RSPO2: variants seen among roughly 807,000 people sequenced by gnomAD.
RSPO2 encodes R-spondin-2.
RSPO2 carries 14 observed loss-of-function variants against 30.9 expected under a neutral mutation model. The ratio of observed to expected loss-of-function variants is 0.45; its 90% CI spans 0.30 to 0.71. The LOEUF (loss-of-function observed/expected upper bound fraction) is 0.71. RSPO2 is among the 30% of genes least tolerant of loss of function. The probability of loss-of-function intolerance (pLI) is 0.08; values close to 1 mark genes in which losing one functional copy is unlikely to be tolerated. For synonymous variants in RSPO2, 107 were observed against 96.4 expected (o/e 1.11, Z -0.64); for missense variants, 264 against 301.9 (o/e 0.87, Z 0.93).
intron 2 of RSPO2, among the ~76,000 whole-genome samples, chr8:108,073,282 G>A (rs936196375): frequency 6.6e-5 from 10 of 152,226 alleles, no homozygotes; most frequent in African/African-American, 2.2e-4. Context: ...AGCAAAGGAA[G>A]CACAAATCCC....
At chr8:107,998,124 C>T (rs1185309853) in intron 2 of RSPO2, among the ~76,000 whole-genome samples, 1 of 151,986 alleles carries the variant, frequency 6.6e-6, no homozygotes, top group East Asian at 1.9e-4. Flanking sequence ...ATATTAACTT[C>T]ATCAATTAAT....
intron 2 of RSPO2, among the ~76,000 whole-genome samples, chr8:108,030,714 G>C (rs528384012): frequency 1.4e-4 from 21 of 152,158 alleles, no homozygotes; most frequent in Non-Finnish European, 2.9e-4. Context: ...TGGGTCCAGG[G>C]GTGGAGGGAG....
intron 2 of RSPO2, among the ~76,000 whole-genome samples, chr8:108,075,305 AC>A (rs1812976317): frequency 6.6e-6 from 1 of 152,170 alleles, no homozygotes; most frequent in East Asian, 1.9e-4. Context: ...ACATGGCAAA[AC>A]CCCATCTCTA....
rs1475696274 is a variant in RSPO2, at chr8:108,082,775, G to C, written c.-137C>G. ...ACTCACCCCCGGGCCGCACCGGTCA[G>C]TTCAGCGCGATCAGCATCTCTCCGC... On this transcript the variant is annotated 5_prime_UTR_variant, in exon 2 of 6. Transcript: ENST00000276659. 7.9e-6 allele frequency: 5 copies of C among 631,320 alleles called. No individual in the cohort carries two copies. Among genetic ancestry groups the C allele is most frequent in the South Asian group, 4.1e-5 (2 of 48,940 alleles). 39.1% of individuals were successfully genotyped at this position (631,320 alleles called of 1,614,324 possible).
chr8:107,977,739 C>T (rs1814268512), intron 3 of RSPO2, among the ~76,000 whole-genome samples: 1 of 152,108 alleles, frequency 6.6e-6, no homozygotes, highest in South Asian at 2.1e-4. Flanking sequence ...GGAGGTATCA[C>T]ATATCTTTGC....
intron 3 of RSPO2, chr8:107,983,404 C>T: frequency 1.2e-6 from 2 of 1,603,044 alleles, no homozygotes; most frequent in Non-Finnish European, 1.7e-6. Context: ...TGTAGCTGCC[C>T]ATCTTCAGGC....
At chr8:107,921,173 G>C (rs1401433025) in intron 5 of RSPO2, among the ~76,000 whole-genome samples, 1 of 151,892 alleles carries the variant, frequency 6.6e-6, no homozygotes, top group African/African-American at 2.4e-5. Flanking sequence ...AGCTATTAAT[G>C]TTGTCTGTAG....
chr8:107,992,295 AAC>A (rs1814875359), intron 2 of RSPO2, among the ~76,000 whole-genome samples: 1 of 152,088 alleles, frequency 6.6e-6, no homozygotes, highest in South Asian at 2.1e-4. Flanking sequence ...TTAGCAAACT[AAC>A]ACAGAAACAG....
At chr8:107,995,564 C>G (rs1000023825) in intron 2 of RSPO2, among the ~76,000 whole-genome samples, 1 of 152,112 alleles carries the variant, frequency 6.6e-6, no homozygotes, top group Non-Finnish European at 1.5e-5. Context: ...TTATCACCAT[C>G]CTCTGCTGAA....
intron 2 of RSPO2, among the ~76,000 whole-genome samples, chr8:107,991,050 G>A (rs1318069287): frequency 6.6e-6 from 1 of 152,094 alleles, no homozygotes; most frequent in Admixed American, 6.6e-5. Context: ...GACCAACACG[G>A]AGAAACCCTA....
At chr8:108,019,204 A>G (rs1810984728) in intron 2 of RSPO2, among the ~76,000 whole-genome samples, 2 of 152,122 alleles carry the variant, frequency 1.3e-5, no homozygotes, top group Admixed American at 6.5e-5. Context: ...TAATACAAAA[A>G]TTATCCGGCT....
chr8:107,962,975 T>C (rs1481845674), intron 3 of RSPO2, among the ~76,000 whole-genome samples: 4 of 152,176 alleles, frequency 2.6e-5, no homozygotes, highest in Non-Finnish European at 4.4e-5. Context: ...TATTGTTACT[T>C]GTAGCTCCCT....
chr8:107,965,631 C>T (rs1259356358), intron 3 of RSPO2, among the ~76,000 whole-genome samples: 2 of 151,436 alleles, frequency 1.3e-5, no homozygotes, highest in Non-Finnish European at 1.5e-5. Flanking sequence ...TTCTGTCCTG[C>T]CATTCAAGTT....
chr8:107,919,766 A>G (rs1162774634), intron 5 of RSPO2, among the ~76,000 whole-genome samples: 1 of 152,246 alleles, frequency 6.6e-6, no homozygotes, highest in East Asian at 1.9e-4. Flanking sequence ...GTTGTCCTTA[A>G]AAACTCTGAT....
chr8:108,008,734 C>G (rs1488657919), intron 2 of RSPO2, among the ~76,000 whole-genome samples: 1 of 148,942 alleles, frequency 6.7e-6, no homozygotes, highest in East Asian at 1.9e-4. Flanking sequence ...AGTCTATGTT[C>G]ACAGGGTAAT....
intron 2 of RSPO2, among the ~76,000 whole-genome samples, chr8:107,994,686 A>C (rs1814955323): frequency 6.6e-6 from 1 of 152,182 alleles, no homozygotes; most frequent in South Asian, 2.1e-4. Flanking sequence ...AGAATACATG[A>C]GGCCACAATG....
Position 107,979,163 on chromosome 8 carries a change from T to C in RSPO2, c.283+9893A>G, listed in dbSNP as rs201771878. On this transcript the variant is annotated intron_variant, in intron 3 of 5. Coordinates refer to ENST00000276659, the MANE Select transcript of RSPO2 (RefSeq NM_178565.5). ...CTAGAACTAGAAATACCATTTGACCTAGCCATCTCATTACTGGGTATATAC... is the reference window on the plus strand; with the variant it reads ...CTAGAACTAGAAATACCATTTGACCCAGCCATCTCATTACTGGGTATATAC... Among the ~76,000 whole-genome samples the C allele has an allele frequency of 2.0e-3, 308 of 152,316 alleles. 2 individuals are homozygous for C. The highest frequency in any genetic ancestry group is 7.1e-3 in the African/African-American group (295 of 41,568).
chr8:107,962,955 T>C, intron 3 of RSPO2, among the ~76,000 whole-genome samples: 1 of 152,160 alleles, frequency 6.6e-6, no homozygotes, highest in East Asian at 1.9e-4. Flanking sequence ...CCAGGCCCTT[T>C]GCTGATCTTT....
intron 2 of RSPO2, among the ~76,000 whole-genome samples, chr8:108,044,628 T>C (rs1054001003): frequency 2.0e-5 from 3 of 152,198 alleles, no homozygotes; most frequent in African/African-American, 7.2e-5. Context: ...GGCATCTAGA[T>C]TGATTCCATG....
Sources: gnomAD v4.1 joint callset for allele counts (sites outside exome capture counted in the v4.1 genomes callset) on GRCh38, gnomAD v4.1.1 for gene constraint, MANE v1.5 for transcripts, NCBI Gene and HGNC (gene_info 2026-07-23, HGNC 2026-07-21) for gene names.